The following GNB3 variants were observed in gnomAD, a reference collection of about 807,000 sequenced individuals.
GNB3 encodes guanine nucleotide-binding protein G(I)/G(S)/G(T) subunit beta-3.
A neutral mutation model predicts 41.2 loss-of-function variants in GNB3; 33 were observed. That is an observed-to-expected ratio of 0.80 (90% confidence interval 0.61 to 1.07). The LOEUF (loss-of-function observed/expected upper bound fraction) is 1.07, where lower values mean the gene tolerates loss of function less well. Ranked by LOEUF, GNB3 falls within the 50% of genes least tolerant of loss-of-function variation. The pLI, the probability that GNB3 is intolerant of heterozygous loss-of-function variation, is 0.00. For synonymous variants in GNB3, 172 were observed against 173.4 expected, an observed-to-expected ratio of 0.99 and a Z score of 0.06; for missense variants, 409 against 455.3, an observed-to-expected ratio of 0.90 and a Z score of 0.92.
intron 9 of GNB3, 196 bp from the exon 10 acceptor site, chr12:6,846,596 T>C: frequency 3.9e-6 from 2 of 514,068 alleles, no homozygotes; most frequent in South Asian, 5.4e-5. Flanking sequence ...CTAGGATCCC[T>C]GCATGCATGT....
chr12:6,844,416 CCTTT>C (rs1434911780), intron 8 of GNB3, among the ~76,000 whole-genome samples: 2 of 151,546 alleles, frequency 1.3e-5, no homozygotes, highest in South Asian at 2.1e-4. Flanking sequence ...CTTCCCTAGC[CCTTT>C]CTTTCTTTCC....
At position 6,841,638 on chromosome 12, in the gene GNB3, T is replaced by C; in HGVS notation, c.96+14T>C. 1 of 1,605,072 alleles carries C rather than the reference T, an allele frequency of 6.2e-7. No individual in the cohort carries two copies. Among genetic ancestry groups the C allele is most frequent in the Non-Finnish European group, 8.5e-7 (1 of 1,173,152 alleles). On this transcript the variant is annotated intron_variant, in intron 3 of 9. Coordinates refer to ENST00000229264, the MANE Select transcript of GNB3 (RefSeq NM_002075.4). ...ACTCTGGCAGAGGTAAGACCCCCTG[T>C]CCCCCGGAAGGCAGGGCATGGGGGG...
chr12:6,842,851 G>A (rs1943597482), intron 3 of GNB3, 119 bp from the exon 4 acceptor site: 1 of 628,234 alleles, frequency 1.6e-6, no homozygotes, highest in Non-Finnish European at 2.8e-6. Flanking sequence ...ATTTCTCTAA[G>A]GCTGGGGGCC....
In GNB3 at chr12:6,841,324, C is replaced by A. The variant is rs781894685; in HGVS notation, c.37C>A (p.Gln13Lys). 6 of 1,613,580 alleles carry A rather than the reference C, an allele frequency of 3.7e-6. No homozygotes were observed. In the South Asian group the frequency reaches 6.6e-5, roughly 18 times the overall value. Residue 13 changes from glutamine to lysine, a missense_variant, in exon 2 of 10, where the codon CAG becomes AAG. Coordinates refer to ENST00000229264, the MANE Select transcript of GNB3 (RefSeq NM_002075.4). ...EMEQLRQEAE[Q>K]LKKQIADARK... Reference sequence around the variant, plus strand: ...GGAGCAACTGCGTCAGGAAGCGGAGCAGCTCAAGAAGCAGATTGCAGTAAC... The same window carrying A: ...GGAGCAACTGCGTCAGGAAGCGGAGAAGCTCAAGAAGCAGATTGCAGTAAC...
chr12:6,843,464 C>G lies in GNB3; in HGVS notation c.369C>G (p.Ile123Met). Reference protein sequence around the residue: ...ACGGLDNMCSIYNLKSREGNV... With the variant: ...ACGGLDNMCSMYNLKSREGNV... ...GGGGGCTGGACAACATGTGTTCCATCTACAACCTCAAATCCCGTGAGGGCA... is the reference window on the plus strand; with the variant it reads ...GGGGGCTGGACAACATGTGTTCCATGTACAACCTCAAATCCCGTGAGGGCA... Residue 123 changes from isoleucine to methionine, a missense_variant, in exon 6 of 10, where the codon ATC becomes ATG. Transcript: ENST00000229264. The surrounding 1 kb of genome is among the most constrained non-coding windows in gnomAD (Gnocchi z 5.9). The G allele has an allele frequency of 6.2e-7, 1 of 1,614,182 alleles. No homozygotes were observed. Among genetic ancestry groups the G allele is most frequent in the Non-Finnish European group, 8.5e-7 (1 of 1,179,986 alleles).
In GNB3 at chr12:6,843,007, T is replaced by C. The variant is rs1555123702; in HGVS notation, c.134T>C (p.Met45Thr). The change falls in exon 4 of 10, where the codon ATG becomes ACG. Residue 45 changes from methionine (M) to threonine (T), a missense_variant. By Grantham distance (81) the Met-to-Thr change is moderately conservative. Transcript: ENST00000229264. This position sits in a 1 kb window ranked among gnomAD's most constrained non-coding sequence, Gnocchi z 5.9. The part of the protein sequence containing the change: ...SGLEVVGRVQ[M>T]RTRRTLRGHL... ...CTAGAGGTGGTGGGACGAGTCCAGA[T>C]GCGGACGCGGCGGACGTTAAGGGGA... 7 of 1,561,910 alleles carry C rather than the reference T, an allele frequency of 4.5e-6. No individual in the cohort carries two copies. Among genetic ancestry groups the C allele is most frequent in the Non-Finnish European group, 6.1e-6 (7 of 1,148,860 alleles).
chr12:6,841,839 C>G, intron 3 of GNB3: 1 of 694,356 alleles, frequency 1.4e-6, no homozygotes, highest in East Asian at 2.7e-5. Flanking sequence ...CTATTCTCAT[C>G]CGTAGAACAA....
At chr12:6,841,781 G>A (rs1032261737) in intron 3 of GNB3, 157 bp downstream of exon 3, 2 of 716,874 alleles carry the variant, frequency 2.8e-6, no homozygotes, top group East Asian at 2.7e-5. Context: ...AGCGGGACCT[G>A]CTCTGAGCCA....
chr12:6,843,995 C>A lies in GNB3; in HGVS notation c.699+17C>A. ...GCCATCTGTGTGAGTGCACCCCCCA[C>A]CCCAGCTTCACTCCAACTCCTTCCC... is the stretch of plus-strand genomic sequence containing the variant. On this transcript the variant is annotated intron_variant, in intron 8 of 9. Transcript: ENST00000229264. The surrounding 1 kb of genome is among the most constrained non-coding windows in gnomAD (Gnocchi z 5.9). The A allele has an allele frequency of 6.3e-7, 1 of 1,582,994 alleles. No individual in the cohort carries two copies. The highest frequency in any genetic ancestry group is 8.6e-7 in the Non-Finnish European group (1 of 1,159,622).
chr12:6,846,232 G>A (rs1419136529), intron 9 of GNB3: 2 of 183,258 alleles, frequency 1.1e-5, no homozygotes, highest in African/African-American at 4.7e-5. Context: ...CAGATAGGAT[G>A]GCTTCTTCTC....
chr12:6,843,191 C>T lies in GNB3; in HGVS notation c.221C>T (p.Ser74Leu), dbSNP rs782659190. 20 of 1,613,760 alleles carry T rather than the reference C, an allele frequency of 1.2e-5. No homozygotes were observed. Among genetic ancestry groups the T allele is most frequent in the East Asian group, 2.2e-5 (1 of 44,890 alleles). The part of the protein sequence containing the change: ...ATDSKLLVSA[S>L]QDGKLIVWDS... ...CTCCCCAGGCTGCTGGTAAGTGCCT[C>T]GCAAGATGGGAAGCTGATCGTGTGG... The change falls in exon 5 of 10, where the codon TCG (serine) becomes TTG (leucine). Residue 74 changes from serine to leucine, a missense_variant. Transcript: ENST00000229264. This position sits in a 1 kb window ranked among gnomAD's most constrained non-coding sequence, Gnocchi z 5.9.
chr12:6,843,343 T>C lies in GNB3; in HGVS notation c.268-20T>C. The C allele has an allele frequency of 6.2e-7, 1 of 1,613,552 alleles. No homozygotes were observed. Among genetic ancestry groups the C allele is most frequent in the Non-Finnish European group, 8.5e-7 (1 of 1,179,540 alleles). ...AGCTTGGCTCCGGTCCCATCTCTGC[T>C]CAAACCACCCTCCCTGCAGGTGCAC... On this transcript the variant is annotated intron_variant, in intron 5 of 9. Transcript: ENST00000229264. This position sits in a 1 kb window ranked among gnomAD's most constrained non-coding sequence, Gnocchi z 5.9.
In GNB3 at chr12:6,843,969, C is replaced by T. The variant is rs367720671; in HGVS notation, c.690C>T (p.Asn230=). 92 of 1,609,598 alleles carry T rather than the reference C, an allele frequency of 5.7e-5. No individual in the cohort carries two copies. Among genetic ancestry groups the T allele is most frequent in the Non-Finnish European group, 7.1e-5 (84 of 1,177,214 alleles). Residue 230 remains asparagine (N), a synonymous_variant, in exon 8 of 10, where the codon AAC becomes AAT. Transcript: ENST00000229264. The surrounding 1 kb of genome is among the most constrained non-coding windows in gnomAD (Gnocchi z 5.9). ...QTFTGHESDI[N]AICFFPNGEA... The stretch of plus-strand genomic sequence containing the variant: ...TCACTGGCCACGAGTCGGACATCAA[C>T]GCCATCTGTGTGAGTGCACCCCCCA...
intron 9 of GNB3, 192 bp from the exon 10 acceptor site, chr12:6,846,600 T>C: frequency 1.9e-6 from 1 of 518,142 alleles, no homozygotes; most frequent in South Asian, 2.7e-5. Context: ...GATCCCTGCA[T>C]GCATGTGCTC....
At chr12:6,846,444 A>G (rs1943698733) in intron 9 of GNB3, 1 of 207,910 alleles carries the variant, frequency 4.8e-6, no homozygotes, top group Non-Finnish European at 9.6e-6. Flanking sequence ...GTTTTTTCAT[A>G]GTACACAGAT....
Position 6,843,141 on chromosome 12 carries a change from A to T in GNB3, c.204-33A>T, listed in dbSNP as rs782044718. On this transcript the variant is annotated intron_variant, in intron 4 of 9. Transcript: ENST00000229264. The surrounding 1 kb of genome is among the most constrained non-coding windows in gnomAD (Gnocchi z 5.9). ...CGGGAGTGAGGAAGGCGGGAAGGGG[A>T]GGCTTGCATGATATGGGATGCCCTC... 6.2e-7 allele frequency: 1 copy of T among 1,608,916 alleles called. No homozygotes were observed. Among genetic ancestry groups the T allele is most frequent in the South Asian group, 1.1e-5 (1 of 90,958 alleles).
At position 6,841,417 on chromosome 12, in the gene GNB3, G is replaced by T. The variant is rs781896099; in HGVS notation, c.57+73G>T. On this transcript the variant is annotated intron_variant, in intron 2 of 9. Transcript: ENST00000229264. ...ATGAGGAGCGTGGCCCAGGGGGAGG[G>T]GGCTGGGTTTGCTCTTGAGTGACTA... The T allele has an allele frequency of 3.6e-6, 5 of 1,406,388 alleles. No individual in the cohort carries two copies. In the East Asian group the frequency reaches 1.2e-4, roughly 34 times the overall value. 87.1% of individuals were successfully genotyped at this position (1,406,388 alleles called of 1,614,324 possible). A position where few individuals can be genotyped will look rare whatever the true frequency, so the allele number is the denominator to read the frequency against.
chr12:6,841,109 G>A (rs767869441), intron 1 of GNB3, 76 bp downstream of exon 1: 376 of 632,000 alleles, frequency 5.9e-4, no homozygotes, highest in Non-Finnish European at 9.8e-4. Context: ...GGGGCTGGAC[G>A]CAAAGGACCT....
rs1555123804 is a variant in GNB3 at position 6,843,343 on chromosome 12, T to G, written c.268-20T>G. ...AGCTTGGCTCCGGTCCCATCTCTGCTCAAACCACCCTCCCTGCAGGTGCAC... is the reference window on the plus strand; with the variant it reads ...AGCTTGGCTCCGGTCCCATCTCTGCGCAAACCACCCTCCCTGCAGGTGCAC... On this transcript the variant is annotated intron_variant, in intron 5 of 9. Coordinates refer to ENST00000229264, the MANE Select transcript of GNB3 (RefSeq NM_002075.4). The surrounding 1 kb of genome is among the most constrained non-coding windows in gnomAD (Gnocchi z 5.9). 6.2e-7 allele frequency: 1 copy of G among 1,613,552 alleles called. No homozygotes were observed. Among genetic ancestry groups the G allele is most frequent in the South Asian group, 1.1e-5 (1 of 91,070 alleles).
Sources: allele counts gnomAD v4.1 joint callset (sites outside exome capture counted in the v4.1 genomes callset), GRCh38; gene constraint gnomAD v4.1.1; non-coding constraint Gnocchi (gnomAD v3.1); transcripts MANE v1.5; gene names NCBI Gene and HGNC (gene_info 2026-07-23, HGNC 2026-07-21).